Variants in YAP1 observed in about 807,000 individuals in gnomAD.
YAP1 encodes the protein Yes1 associated transcriptional regulator.
A neutral mutation model predicts 56.9 loss-of-function variants in YAP1; 5 were observed. The ratio of observed to expected loss-of-function variants is 0.09; its 90% CI spans 0.05 to 0.18. The LOEUF is 0.18. Ranked by LOEUF, YAP1 falls within the 10% of genes least tolerant of loss-of-function variation. The probability of loss-of-function intolerance (pLI) is 1.00; values close to 1 mark genes in which losing one functional copy is unlikely to be tolerated. For missense variants in YAP1, 539 were observed against 651.8 expected, an observed-to-expected ratio of 0.83 and a Z score of 1.88; for synonymous variants, 265 against 248.1, an observed-to-expected ratio of 1.07 and a Z score of -0.64.
intron 4 of YAP1, among the ~76,000 whole-genome samples, chr11:102,188,638 A>C (rs1006770223): frequency 8.2e-6 from 1 of 122,168 alleles, no homozygotes; most frequent in African/African-American, 2.6e-5. Context: ...AGTGTTCAGC[A>C]CACTAACAGG....
At chr11:102,137,705 G>A (rs1193590060) in intron 2 of YAP1, among the ~76,000 whole-genome samples, 3 of 151,190 alleles carry the variant, frequency 2.0e-5, no homozygotes, top group East Asian at 1.9e-4. Context: ...TGCTCTTGTG[G>A]GTTGATTTAG....
intron 3 of YAP1, among the ~76,000 whole-genome samples, chr11:102,164,312 C>T (rs979866029): frequency 2.0e-5 from 3 of 152,066 alleles, no homozygotes; most frequent in Admixed American, 2.0e-4. Context: ...GGATAACAGG[C>T]GTGAGCCACC....
intron 7 of YAP1, among the ~76,000 whole-genome samples, chr11:102,225,861 C>G (rs758813429): frequency 2.0e-5 from 3 of 152,192 alleles, no homozygotes; most frequent in South Asian, 2.1e-4. Flanking sequence ...TCTTTATCCT[C>G]AAAGCCTAGT....
Position 102,229,742 on chromosome 11 carries a change from C to G in YAP1, c.1317C>G (p.Asn439Lys). 1 of 1,614,150 alleles carries G rather than the reference C, an allele frequency of 6.2e-7. No homozygotes were observed. The highest frequency in any genetic ancestry group is 8.5e-7 in the Non-Finnish European group (1 of 1,180,018). ...INQSTLPSQQ[N>K]RFPDYLEAIP... ...AAAGCACCCTGCCCTCACAGCAGAA[C>G]CGTTTCCCAGACTACCTTGAAGCCA... is the stretch of plus-strand genomic sequence containing the variant. Residue 439 changes from asparagine (N) to lysine (K), a missense_variant, in exon 9 of 9, where the codon AAC (asparagine) becomes AAG (lysine). Coordinates refer to ENST00000282441, the MANE Select transcript of YAP1 (RefSeq NM_001130145.3).
At chr11:102,199,249 G>T (rs1255934359) in intron 4 of YAP1, among the ~76,000 whole-genome samples, 1 of 152,158 alleles carries the variant, frequency 6.6e-6, no homozygotes, top group East Asian at 1.9e-4. Flanking sequence ...CAAGGATTAA[G>T]TGAATTACCA....
chr11:102,199,862 A>C (rs370238285), intron 4 of YAP1, among the ~76,000 whole-genome samples: 1 of 152,234 alleles, frequency 6.6e-6, no homozygotes, highest in Admixed American at 6.5e-5. Flanking sequence ...GCCCTGGCCT[A>C]GGACAATGTT....
chr11:102,161,753 C>T (rs534888263), intron 2 of YAP1, among the ~76,000 whole-genome samples: 9 of 152,246 alleles, frequency 5.9e-5, no homozygotes, highest in Admixed American at 2.0e-4. Flanking sequence ...TGTCAGATAA[C>T]GTGCTAGATG....
chr11:102,125,942 T>G (rs1170758975), intron 2 of YAP1, among the ~76,000 whole-genome samples: 1 of 152,036 alleles, frequency 6.6e-6, no homozygotes, highest in Non-Finnish European at 1.5e-5. Context: ...GCAGCCACTA[T>G]CTCTAGCTAA....
At chr11:102,188,108 A>G (rs1010643648) in intron 4 of YAP1, among the ~76,000 whole-genome samples, 9 of 152,206 alleles carry the variant, frequency 5.9e-5, no homozygotes, top group Non-Finnish European at 1.2e-4. Flanking sequence ...CTGGATTTGA[A>G]GTTTTCCTTG....
At chr11:102,222,900 C>T (rs539652918) in intron 6 of YAP1, among the ~76,000 whole-genome samples, 72 of 151,720 alleles carry the variant, frequency 4.7e-4, no homozygotes, top group African/African-American at 1.7e-3. Flanking sequence ...CGGGGGGTTC[C>T]AAACACACAA....
intron 2 of YAP1, among the ~76,000 whole-genome samples, chr11:102,127,262 C>T (rs940667660): frequency 1.3e-5 from 2 of 152,168 alleles, no homozygotes; most frequent in African/African-American, 2.4e-5. Flanking sequence ...GAGACTTTCA[C>T]GTCAGCCCCT....
intron 8 of YAP1, among the ~76,000 whole-genome samples, chr11:102,228,304 G>A (rs2135722047): frequency 6.6e-6 from 1 of 152,132 alleles, no homozygotes; most frequent in East Asian, 1.9e-4. Context: ...AACCAGGTGG[G>A]AAAGACTAGG....
intron 1 of YAP1, 86 bp downstream of exon 1, chr11:102,111,255 G>A: frequency 2.0e-6 from 3 of 1,525,502 alleles, no homozygotes; most frequent in Non-Finnish European, 2.7e-6. Context: ...GCCAGCTCTG[G>A]TCAGGGGAGG....
intron 4 of YAP1, among the ~76,000 whole-genome samples, chr11:102,190,261 T>C (rs1268185355): frequency 6.6e-6 from 1 of 152,230 alleles, no homozygotes; most frequent in Non-Finnish European, 1.5e-5. Context: ...TATTTGGTTA[T>C]GGACTACATT....
chr11:102,176,321 G>A (rs888373554), intron 3 of YAP1, among the ~76,000 whole-genome samples: 1 of 152,112 alleles, frequency 6.6e-6, no homozygotes, highest in Non-Finnish European at 1.5e-5. Flanking sequence ...CAGTGTAGAA[G>A]AGTGATGAAC....
At chr11:102,228,834 A>G (rs1337356417) in intron 8 of YAP1, among the ~76,000 whole-genome samples, 1 of 151,966 alleles carries the variant, frequency 6.6e-6, no homozygotes, top group African/African-American at 2.4e-5. Context: ...CTCTTTCACT[A>G]ACTGCTTCTA....
At position 102,139,141 on chromosome 11, in the gene YAP1, A is replaced by G. The variant is rs768528184; in HGVS notation, c.573-23315A>G. Among the ~76,000 whole-genome samples, 35 of 152,044 alleles carry G rather than the reference A, an allele frequency of 2.3e-4. 1 individual carries two copies. Among genetic ancestry groups the G allele is most frequent in the Admixed American group, 2.0e-4 (3 of 15,256 alleles). ...TTTTGTTATCCAAAAGTTGATTTTA[A>G]ACAGTGAATCAGATTTCGGCACTGT... On this transcript the variant is annotated intron_variant, in intron 2 of 8. Coordinates refer to ENST00000282441, the MANE Select transcript of YAP1 (RefSeq NM_001130145.3).
Position 102,110,547 on chromosome 11 carries a change from G to A in YAP1, c.-302G>A, listed in dbSNP as rs972810322. ...GGGAGGCGGGGAAAGGCAACGAGCT[G>A]TCCGGCCTCCGTCAAGGGAGTTGGA... On this transcript the variant is annotated 5_prime_UTR_variant, in exon 1 of 9. Transcript: ENST00000282441. The A allele has an allele frequency of 5.2e-6, 1 of 193,354 alleles. No homozygotes were observed. Among genetic ancestry groups the A allele is most frequent in the Non-Finnish European group, 1.0e-5 (1 of 95,484 alleles). The allele number at this position is 193,354 out of a possible 1,614,324, so 12.0% of individuals were successfully genotyped here.
intron 6 of YAP1, among the ~76,000 whole-genome samples, chr11:102,215,349 C>G (rs527401004): frequency 6.6e-6 from 1 of 152,326 alleles, no homozygotes; most frequent in Non-Finnish European, 1.5e-5. Context: ...GCAAAAACCC[C>G]TTGCTCCTGT....
Sources: allele counts gnomAD v4.1 joint callset (sites outside exome capture counted in the v4.1 genomes callset), GRCh38; gene constraint gnomAD v4.1.1; transcripts MANE v1.5; gene names NCBI Gene and HGNC (gene_info 2026-07-23, HGNC 2026-07-21).